LRRC37A2: variants seen among roughly 807,000 people sequenced by gnomAD.
The protein encoded by LRRC37A2 is leucine rich repeat containing 37 member A2, also known as leucine-rich repeat-containing protein 37A2.
LRRC37A2 carries 9 observed loss-of-function variants against 68.8 expected under a neutral mutation model. That is an observed-to-expected ratio of 0.13 (90% CI 0.08 to 0.23). The LOEUF (loss-of-function observed/expected upper bound fraction) is 0.23. LRRC37A2 is among the 10% of genes least tolerant of loss of function. LRRC37A2 has a pLI of 1.00. For missense variants in LRRC37A2, 168 were observed against 950.4 expected (o/e 0.18, Z 10.82); for synonymous variants, 63 against 367.6 (o/e 0.17, Z 9.48).
chr17:47,028,173 A>G, the LRRC37A2 span: 1 of 791,094 alleles, frequency 1.3e-6, no homozygotes, highest in South Asian at 1.5e-5. Flanking sequence ...TGCATAGAGA[A>G]AGGATTGAGG....
the LRRC37A2 span, chr17:46,933,012 C>T: frequency 6.6e-6 from 1 of 152,196 alleles, no homozygotes; most frequent in Non-Finnish European, 1.5e-5. Context: ...ATAAATTTTC[C>T]CAAGTGTTTC....
chr17:47,006,439 C>T, the LRRC37A2 span, among the ~76,000 whole-genome samples: 3 of 152,110 alleles, frequency 2.0e-5, no homozygotes, highest in African/African-American at 7.2e-5. Flanking sequence ...TGACAAAACC[C>T]CGTCTCCACT....
chr17:47,019,564 C>G, the LRRC37A2 span: 2 of 1,475,372 alleles, frequency 1.4e-6, no homozygotes, highest in Non-Finnish European at 9.5e-7. Context: ...ACTGAAGTCA[C>G]AGGTCCACCT....
the LRRC37A2 span, chr17:46,932,007 C>G: frequency 6.7e-7 from 1 of 1,503,622 alleles, no homozygotes; most frequent in East Asian, 2.3e-5. Context: ...AAAGCCTGGC[C>G]CCCTCAGATT....
At chr17:46,842,436 G>A in the LRRC37A2 span, among the ~76,000 whole-genome samples, 6 of 152,220 alleles carry the variant, frequency 3.9e-5, no homozygotes, top group African/African-American at 2.4e-5. Flanking sequence ...GTGCAGTGGC[G>A]CGATCACGGC....
the LRRC37A2 span, among the ~76,000 whole-genome samples, chr17:46,672,251 C>CT: frequency 4.5e-3 from 38 of 8,376 alleles, no homozygotes; most frequent in African/African-American, 0.011. Flanking sequence ...GAGGTGAAGT[C>CT]TTTTTTTTTT....
At chr17:46,721,755 C>G in the LRRC37A2 span, 2 of 1,604,288 alleles carry the variant, frequency 1.2e-6, no homozygotes, top group South Asian at 2.2e-5. Flanking sequence ...CCCACAATTT[C>G]GCTTGGGAAG....
chr17:46,967,940 G>A, the LRRC37A2 span, among the ~76,000 whole-genome samples: 9 of 152,174 alleles, frequency 5.9e-5, no homozygotes, highest in Admixed American at 3.9e-4. Context: ...CACAGAATCC[G>A]ACAGGCTTGG....
At chr17:46,907,684 AAAAAC>A in the LRRC37A2 span, among the ~76,000 whole-genome samples, 2 of 140,404 alleles carry the variant, frequency 1.4e-5, no homozygotes, top group African/African-American at 5.1e-5. Flanking sequence ...CAAAAAAAAA[AAAAAC>A]AAAAAACCCA....
chr17:46,950,314 A>C, the LRRC37A2 span, among the ~76,000 whole-genome samples: 99 of 152,172 alleles, frequency 6.5e-4, no homozygotes, highest in Non-Finnish European at 1.2e-3. Flanking sequence ...GGTGAGGAGG[A>C]GGCGGCTGGC....
At chr17:46,714,595 A>G in the LRRC37A2 span, among the ~76,000 whole-genome samples, 1 of 152,168 alleles carries the variant, frequency 6.6e-6, no homozygotes, top group Non-Finnish European at 1.5e-5. Context: ...AGACTGTAAG[A>G]CCATTTGGTC....
At chr17:46,814,938 C>T in the LRRC37A2 span, among the ~76,000 whole-genome samples, 1 of 152,188 alleles carries the variant, frequency 6.6e-6, no homozygotes, top group African/African-American at 2.4e-5. Flanking sequence ...TATTTCCCAG[C>T]TCACTGCCCT....
the LRRC37A2 span, among the ~76,000 whole-genome samples, chr17:46,761,197 ACAT>A: frequency 6.6e-6 from 1 of 152,228 alleles, no homozygotes; most frequent in African/African-American, 2.4e-5. Context: ...GGCTAAAGAC[ACAT>A]CATGGACAAA....
chr17:46,763,841 A>AAC, the LRRC37A2 span: 7 of 148,206 alleles, frequency 4.7e-5, no homozygotes, highest in Middle Eastern at 0.01. Flanking sequence ...CAAAAAAAAA[A>AAC]AAAAACAAAA....
chr17:46,679,077 T>C, the LRRC37A2 span, among the ~76,000 whole-genome samples: 9 of 152,044 alleles, frequency 5.9e-5, no homozygotes, highest in African/African-American at 2.2e-4. Context: ...ACCTAAAGTA[T>C]AGTGTTTAAC....
the LRRC37A2 span, among the ~76,000 whole-genome samples, chr17:46,994,601 G>GT: frequency 3.7e-4 from 57 of 152,056 alleles, no homozygotes; most frequent in Admixed American, 2.2e-3. Flanking sequence ...CTAGTCTACA[G>GT]TAAAATTTTA....
chr17:46,995,302 T>A, the LRRC37A2 span, among the ~76,000 whole-genome samples: 1 of 152,248 alleles, frequency 6.6e-6, no homozygotes, highest in Non-Finnish European at 1.5e-5. Context: ...CCCCTGGGCC[T>A]GAACTGTGAG....
chr17:46,637,221 CTGTACCTG>C, the LRRC37A2 span, among the ~76,000 whole-genome samples: 1 of 102,168 alleles, frequency 9.8e-6, no homozygotes, highest in African/African-American at 4.0e-5. Flanking sequence ...TTTTTTAAAC[CTGTACCTG>C]TGTGTCCCTC....
chr17:46,461,922 G>A, the LRRC37A2 span, among the ~76,000 whole-genome samples: 4 of 63,606 alleles, frequency 6.3e-5, no homozygotes, highest in East Asian at 5.5e-4. Context: ...GCTTGAACCC[G>A]GGAGGCGGAG....
Sources: allele counts gnomAD v4.1 joint callset (sites outside exome capture counted in the v4.1 genomes callset), GRCh38; gene constraint gnomAD v4.1.1; transcripts MANE v1.5; gene names NCBI Gene and HGNC (gene_info 2026-07-23, HGNC 2026-07-21).